HNRNPM: variants seen among roughly 807,000 people sequenced by gnomAD.
HNRNPM encodes the protein heterogeneous nuclear ribonucleoprotein M, also known as CEA receptor.
Under a neutral mutation model 73.1 loss-of-function variants are expected in HNRNPM, and 11 were observed. That is an observed-to-expected ratio of 0.15 (90% CI 0.09 to 0.25). HNRNPM has a LOEUF of 0.25. HNRNPM is among the 10% of genes least tolerant of loss of function. The probability of loss-of-function intolerance (pLI) is 1.00; values close to 1 mark genes in which losing one functional copy is unlikely to be tolerated. For synonymous variants in HNRNPM, 407 were observed against 355.2 expected, an observed-to-expected ratio of 1.15 and a Z score of -1.64; for missense variants, 789 against 1,067.9, an observed-to-expected ratio of 0.74 and a Z score of 3.64.
rs35179733 is a variant in HNRNPM at position 8,481,967 on chromosome 19, C to CT, written c.1121-1170dup. On this transcript the variant is annotated intron_variant, in intron 12 of 15. Transcript: ENST00000325495. The stretch of plus-strand genomic sequence containing the variant: ...TTTTGTTGTTGTTGTTGTTTGGTGT[C>CT]TTTTTTTTTTTTTTTTTTTTTCTTA... Among the ~76,000 whole-genome samples the CT allele has an allele frequency of 9.4e-3, 1,099 of 117,314 alleles. 20 individuals are homozygous for CT. Among genetic ancestry groups the CT allele is most frequent in the African/African-American group, 0.032 (1,016 of 31,428 alleles). The allele number at this position is 117,314 out of a possible 152,430, so 77.0% of individuals were successfully genotyped here. A position where few individuals can be genotyped will look rare whatever the true frequency, so the allele number is the denominator to read the frequency against.
chr19:8,452,747 TGG>T (rs1256574649), intron 1 of HNRNPM, among the ~76,000 whole-genome samples: 1 of 152,206 alleles, frequency 6.6e-6, no homozygotes, highest in Non-Finnish European at 1.5e-5. Context: ...GATTTGGGTG[TGG>T]CTCACACCAG....
chr19:8,455,162 G>A (rs1968918842), intron 1 of HNRNPM, among the ~76,000 whole-genome samples: 1 of 151,846 alleles, frequency 6.6e-6, no homozygotes. Flanking sequence ...TTTTTTTGTT[G>A]TTTTGACAGG....
intron 12 of HNRNPM, among the ~76,000 whole-genome samples, chr19:8,479,985 G>A (rs1201434560): frequency 6.9e-6 from 1 of 145,858 alleles, no homozygotes. Flanking sequence ...ATCTTGGCCA[G>A]GCTGGTCTTG....
rs544080615 is a variant in HNRNPM at position 8,484,935 on chromosome 19, T to A, written c.1175-668T>A. Among the ~76,000 whole-genome samples the A allele has an allele frequency of 1.2e-3, 189 of 152,054 alleles. 2 individuals carry two copies. Among genetic ancestry groups the A allele is most frequent in the South Asian group, 4.1e-4 (2 of 4,820 alleles). Reference sequence around the variant, plus strand: ...CCCACTCTGCAGTGCCATCAACATCTTCTTTCCAAAGCCAGCAAGTCATTT... The same window carrying A: ...CCCACTCTGCAGTGCCATCAACATCATCTTTCCAAAGCCAGCAAGTCATTT... On this transcript the variant is annotated intron_variant, in intron 13 of 15. Coordinates refer to ENST00000325495, the MANE Select transcript of HNRNPM (RefSeq NM_005968.5).
In HNRNPM at chr19:8,466,252, C is replaced by T. The variant is rs1272156831; in HGVS notation, c.648C>T (p.Gly216=). The T allele has an allele frequency of 6.2e-7, 1 of 1,613,118 alleles. No homozygotes were observed. Among genetic ancestry groups the T allele is most frequent in the Non-Finnish European group, 8.5e-7 (1 of 1,179,862 alleles). Residue 216 remains glycine, a synonymous_variant, in exon 7 of 16, where the codon GGC becomes GGT. Transcript: ENST00000325495. ...TCGATTAGCTGGATTATAAAGTTGG[C>T]TGGAAGAAACTGAAGGAAGTATTTA... ...VFVANLDYKV[G]WKKLKEVFSM...
intron 2 of HNRNPM, among the ~76,000 whole-genome samples, chr19:8,456,866 G>T (rs1039136606): frequency 3.9e-5 from 6 of 152,186 alleles, no homozygotes; most frequent in Non-Finnish European, 7.4e-5. Context: ...TCCTGCCAAT[G>T]CTCCTAGGGC....
intron 1 of HNRNPM, among the ~76,000 whole-genome samples, chr19:8,454,909 T>C (rs1057001196): frequency 6.6e-6 from 1 of 152,164 alleles, no homozygotes; most frequent in Admixed American, 6.5e-5. Flanking sequence ...GTACCTTTCC[T>C]TGGGAATGCT....
intron 10 of HNRNPM, 116 bp downstream of exon 10, chr19:8,471,543 C>T: frequency 2.1e-6 from 1 of 480,500 alleles, no homozygotes. Context: ...GGACAAAATT[C>T]CCTCCTTATT....
At chr19:8,445,358 C>A in intron 1 of HNRNPM, 1 of 372,020 alleles carries the variant, frequency 2.7e-6, no homozygotes, top group Admixed American at 4.6e-5. Flanking sequence ...GGGGCCAACC[C>A]CGTAGTCGAG....
At chr19:8,454,776 T>C (rs1968886153) in intron 1 of HNRNPM, among the ~76,000 whole-genome samples, 1 of 149,548 alleles carries the variant, frequency 6.7e-6, no homozygotes, top group Admixed American at 6.8e-5. Context: ...TTCTATGAAG[T>C]CTTAGAAATC....
At chr19:8,474,830 C>G (rs1295947051) in intron 12 of HNRNPM, among the ~76,000 whole-genome samples, 1 of 151,822 alleles carries the variant, frequency 6.6e-6, no homozygotes, top group East Asian at 1.9e-4. Flanking sequence ...TTCTCCTGCC[C>G]CAGCCTCCTG....
chr19:8,475,587 T>C (rs1426124911), intron 12 of HNRNPM, among the ~76,000 whole-genome samples: 3 of 152,218 alleles, frequency 2.0e-5, no homozygotes, highest in African/African-American at 7.2e-5. Flanking sequence ...ATGATGTGTG[T>C]TGCCCTCTTC....
chr19:8,486,156 CGAGCGCATGGGCCTG>C lies in HNRNPM; in HGVS notation c.1740_1754del (p.Leu581_Gly585del), dbSNP rs763829863. ...TGGAGCGCATGGGCGCCAACAGCCT[CGAGCGCATGGGCCTG>C]GAGCGCATGGGTGCCAACAGCCTCG... On this transcript the variant is annotated inframe_deletion, in exon 14 of 16. Coordinates refer to ENST00000325495, the MANE Select transcript of HNRNPM (RefSeq NM_005968.5). The C allele has an allele frequency of 2.6e-5, 41 of 1,604,970 alleles. No individual in the cohort carries two copies. Among genetic ancestry groups the C allele is most frequent in the Non-Finnish European group, 3.1e-5 (37 of 1,178,660 alleles).
chr19:8,469,341 C>T (rs142461895), intron 9 of HNRNPM, among the ~76,000 whole-genome samples: 104 of 152,222 alleles, frequency 6.8e-4, no homozygotes, highest in Non-Finnish European at 9.8e-4. Context: ...TGCCTGAGGC[C>T]GGGAAGGAGT....
chr19:8,446,304 T>G (rs1412221184), intron 1 of HNRNPM, among the ~76,000 whole-genome samples: 4 of 152,222 alleles, frequency 2.6e-5, no homozygotes, highest in Non-Finnish European at 5.9e-5. Flanking sequence ...AAATACTAAC[T>G]CCCTCCGTTT....
intron 1 of HNRNPM, chr19:8,445,636 G>A (rs1968105577): frequency 6.6e-6 from 1 of 152,356 alleles, no homozygotes; most frequent in Non-Finnish European, 1.5e-5. Flanking sequence ...GCCGGGTCGG[G>A]GGGCTCCCCT....
rs1451505837 is a variant in HNRNPM, at chr19:8,466,291, G to A, written c.687G>A (p.Val229=). 1.1e-5 allele frequency: 18 copies of A among 1,613,970 alleles called. No homozygotes were observed. The highest frequency in any genetic ancestry group is 3.3e-4 in the Middle Eastern group (2 of 6,084). ...AGGAAGTATTTAGTATGGCTGGTGT[G>A]GTGGTCCGAGCAGACATTCTTGAAG... The part of the protein sequence containing the change: ...KLKEVFSMAG[V]VVRADILEDK... The change falls in exon 7 of 16, where the codon GTG becomes GTA. Residue 229 remains valine, a synonymous_variant. Transcript: ENST00000325495.
At chr19:8,453,102 AT>A (rs1968744611) in intron 1 of HNRNPM, among the ~76,000 whole-genome samples, 1 of 152,120 alleles carries the variant, frequency 6.6e-6, no homozygotes, top group Non-Finnish European at 1.5e-5. Context: ...AAGTGCTGGG[AT>A]TATAGGTGTG....
In HNRNPM at chr19:8,485,637, G is replaced by A; in HGVS notation, c.1209G>A (p.Arg403=). The A allele has an allele frequency of 6.2e-7, 1 of 1,605,048 alleles. No homozygotes were observed. Among genetic ancestry groups the A allele is most frequent in the Middle Eastern group, 1.7e-4 (1 of 6,052 alleles). The change falls in exon 14 of 16, where the codon AGG becomes AGA. Residue 403 remains arginine, a synonymous_variant. Coordinates refer to ENST00000325495, the MANE Select transcript of HNRNPM (RefSeq NM_005968.5). ...GAGGAAGCGTCCCTGGGATCGAGAG[G>A]ATGGGTCCTGGCATTGACCGCCTCG... ...GGGGSVPGIE[R]MGPGIDRLGG... is the part of the protein sequence containing the mutation.
Sources: allele counts gnomAD v4.1 joint callset (sites outside exome capture counted in the v4.1 genomes callset), GRCh38; gene constraint gnomAD v4.1.1; transcripts MANE v1.5; gene names NCBI Gene and HGNC (gene_info 2026-07-23, HGNC 2026-07-21).